Variants in CCDC102B observed in about 807,000 individuals in gnomAD.
CCDC102B encodes coiled-coil domain-containing protein 102B.
Under a neutral mutation model 57.4 loss-of-function variants are expected in CCDC102B, and 75 were observed. That is an observed-to-expected ratio of 1.31 (90% CI 1.08 to 1.58). The LOEUF (loss-of-function observed/expected upper bound fraction) is 1.58. Ranked by LOEUF, CCDC102B falls within the 40% of genes most tolerant of loss-of-function variation. The pLI is 0.00. For missense variants in CCDC102B, 636 were observed against 582.6 expected (o/e 1.09, Z -0.94); for synonymous variants, 206 against 201.9 (o/e 1.02, Z -0.17).
chr18:68,790,139 C>T (rs2035381501), intron 2 of CCDC102B, among the ~76,000 whole-genome samples: 1 of 150,234 alleles, frequency 6.7e-6, no homozygotes, highest in Non-Finnish European at 1.5e-5. Flanking sequence ...AGTTAGGCTG[C>T]TCAGGGGTCA....
At chr18:68,740,001 A>T (rs1001803475) in intron 2 of CCDC102B, among the ~76,000 whole-genome samples, 1 of 152,232 alleles carries the variant, frequency 6.6e-6, no homozygotes, top group Non-Finnish European at 1.5e-5. Context: ...AAATAGTTAA[A>T]TAGATATTGA....
chr18:68,758,951 C>T (rs1235654840), intron 2 of CCDC102B, among the ~76,000 whole-genome samples: 1 of 147,580 alleles, frequency 6.8e-6, no homozygotes, highest in Non-Finnish European at 1.5e-5. Flanking sequence ...AAAAAAAAAC[C>T]TCAAATGGAT....
intron 6 of CCDC102B, among the ~76,000 whole-genome samples, chr18:68,975,894 C>T (rs2050423427): frequency 6.7e-6 from 1 of 148,876 alleles, no homozygotes; most frequent in Non-Finnish European, 1.5e-5. Context: ...GTAGATCAGA[C>T]ATAGTCACAA....
chr18:68,859,965 T>G (rs372868467), intron 4 of CCDC102B, among the ~76,000 whole-genome samples: 8,402 of 87,236 alleles, frequency 0.096, 898 homozygotes, highest in African/African-American at 0.2. Flanking sequence ...TATACCCAAA[T>G]GACTATAAAT....
At chr18:68,777,957 CA>C (rs932871181) in intron 2 of CCDC102B, among the ~76,000 whole-genome samples, 1 of 152,044 alleles carries the variant, frequency 6.6e-6, no homozygotes, top group African/African-American at 2.4e-5. Flanking sequence ...GTACTAGATT[CA>C]AAATTAGTTT....
intron 2 of CCDC102B, chr18:68,718,192 C>G (rs1408660688): frequency 6.6e-6 from 1 of 152,134 alleles, no homozygotes; most frequent in Non-Finnish European, 1.5e-5. Flanking sequence ...CATGTCCTCA[C>G]CAAAAGTCAT....
At chr18:69,008,963 G>A (rs1485563609) in intron 6 of CCDC102B, among the ~76,000 whole-genome samples, 4 of 152,132 alleles carry the variant, frequency 2.6e-5, no homozygotes, top group Non-Finnish European at 5.9e-5. Context: ...GGGACATTTA[G>A]TTTCCAATAT....
intron 5 of CCDC102B, among the ~76,000 whole-genome samples, chr18:68,884,590 A>G (rs2039811766): frequency 6.6e-6 from 1 of 150,944 alleles, no homozygotes; most frequent in Non-Finnish European, 1.5e-5. Flanking sequence ...AAATACACAC[A>G]CACACACACA....
intron 2 of CCDC102B, among the ~76,000 whole-genome samples, chr18:68,790,802 G>T (rs956482141): frequency 6.6e-6 from 1 of 152,184 alleles, no homozygotes; most frequent in Non-Finnish European, 1.5e-5. Flanking sequence ...CGTCGCTCAC[G>T]CTGGGAGCTG....
intron 6 of CCDC102B, among the ~76,000 whole-genome samples, chr18:68,945,122 C>CTCCACACACACA (rs369066554): frequency 6.9e-5 from 10 of 143,938 alleles, no homozygotes; most frequent in Admixed American, 7.0e-5. Flanking sequence ...CTCTCTCTCT[C>CTCCACACACACA]CACACACACA....
At chr18:69,048,056 C>A (rs2052610495) in intron 7 of CCDC102B, among the ~76,000 whole-genome samples, 1 of 151,978 alleles carries the variant, frequency 6.6e-6, no homozygotes, top group Non-Finnish European at 1.5e-5. Context: ...AATGTCATAG[C>A]CCACATTGAT....
intron 7 of CCDC102B, among the ~76,000 whole-genome samples, chr18:69,019,147 T>C (rs2051755017): frequency 6.6e-6 from 1 of 152,220 alleles, no homozygotes; most frequent in South Asian, 2.1e-4. Context: ...TAATAAGAAG[T>C]GAAGAAGTTT....
At chr18:68,964,708 G>A (rs2145239610) in intron 6 of CCDC102B, among the ~76,000 whole-genome samples, 1 of 151,840 alleles carries the variant, frequency 6.6e-6, no homozygotes, top group South Asian at 2.1e-4. Context: ...CTTTGGTCTT[G>A]ATGTTCTAGG....
At chr18:69,043,646 C>G (rs1259630368) in intron 7 of CCDC102B, among the ~76,000 whole-genome samples, 1 of 152,084 alleles carries the variant, frequency 6.6e-6, no homozygotes, top group Non-Finnish European at 1.5e-5. Context: ...CCATTTAACC[C>G]TGAGTTTGAC....
At chr18:69,006,447 T>C (rs1186984999) in intron 6 of CCDC102B, among the ~76,000 whole-genome samples, 1 of 151,636 alleles carries the variant, frequency 6.6e-6, no homozygotes, top group Non-Finnish European at 1.5e-5. Flanking sequence ...ATTTTGAGAC[T>C]GAGTCTTGCT....
intron 6 of CCDC102B, among the ~76,000 whole-genome samples, chr18:68,977,364 C>T (rs2050465603): frequency 6.6e-6 from 1 of 151,844 alleles, no homozygotes; most frequent in African/African-American, 2.4e-5. Context: ...TTGCTGCACC[C>T]ATCAACCCAC....
chr18:69,015,460 C>T (rs1280005592), intron 7 of CCDC102B, among the ~76,000 whole-genome samples: 1 of 152,176 alleles, frequency 6.6e-6, no homozygotes, highest in East Asian at 1.9e-4. Flanking sequence ...AGCATCTCCT[C>T]AATTTGATTT....
chr18:68,830,968 C>T (rs564061416), intron 1 of CCDC102B, among the ~76,000 whole-genome samples: 89 of 151,986 alleles, frequency 5.9e-4, no homozygotes, highest in Admixed American at 4.1e-3. Flanking sequence ...CTTTATAAAA[C>T]GGATTATGGA....
At chr18:68,921,456 T>C (rs1047697822) in intron 6 of CCDC102B, among the ~76,000 whole-genome samples, 6 of 152,212 alleles carry the variant, frequency 3.9e-5, no homozygotes, top group Non-Finnish European at 7.3e-5. Context: ...TACTTATATG[T>C]CAAAAAGAGT....
Sources: allele counts gnomAD v4.1 joint callset (sites outside exome capture counted in the v4.1 genomes callset), GRCh38; gene constraint gnomAD v4.1.1; transcripts MANE v1.5; gene names NCBI Gene and HGNC (gene_info 2026-07-23, HGNC 2026-07-21).